MERTK: variants seen among roughly 807,000 people sequenced by gnomAD.
MERTK encodes the protein MER proto-oncogene, tyrosine kinase, also known as tyrosine-protein kinase Mer.
Under a neutral mutation model 99.3 loss-of-function variants are expected in MERTK, and 69 were observed. The observed-to-expected ratio is 0.70, with a 90% confidence interval of 0.57 to 0.85. The LOEUF (loss-of-function observed/expected upper bound fraction) is 0.85. Among genes scored for constraint, MERTK ranks in the 40% least tolerant of loss-of-function variants. The pLI, the probability that MERTK is intolerant of heterozygous loss-of-function variation, is 0.00. For missense variants in MERTK, 1,125 were observed against 1,249.4 expected (o/e 0.90, Z 1.50); for synonymous variants, 426 against 467.6 (o/e 0.91, Z 1.15).
At chr2:111,987,256 G>A (rs569396930) in intron 8 of MERTK, among the ~76,000 whole-genome samples, 1 of 152,042 alleles carries the variant, frequency 6.6e-6, no homozygotes, top group Admixed American at 6.5e-5. Context: ...CTACACAGAA[G>A]ACAGGTTTGT....
At chr2:111,994,224 A>T in intron 8 of MERTK, 27 bp from the exon 9 acceptor site, 1 of 1,612,804 alleles carries the variant, frequency 6.2e-7, no homozygotes, top group Non-Finnish European at 8.5e-7. Flanking sequence ...CAGTGTTTTC[A>T]TTTCCTCTCT....
chr2:111,981,156 G>A (rs1676364528), intron 7 of MERTK, among the ~76,000 whole-genome samples: 1 of 152,138 alleles, frequency 6.6e-6, no homozygotes, highest in Non-Finnish European at 1.5e-5. Context: ...GAGGGTTATA[G>A]TATCCTTTCA....
intron 1 of MERTK, among the ~76,000 whole-genome samples, chr2:111,921,446 G>A (rs1403447708): frequency 3.3e-5 from 5 of 151,576 alleles, no homozygotes; most frequent in African/African-American, 4.9e-5. Context: ...TTTGCAGTGA[G>A]CTGAGATCAC....
At chr2:112,028,142 G>T (rs1244908587) in intron 18 of MERTK, 5 of 615,874 alleles carry the variant, frequency 8.1e-6, no homozygotes, top group Non-Finnish European at 1.4e-5. Flanking sequence ...GCTCTTCCTA[G>T]AAACAGAATC....
intron 8 of MERTK, among the ~76,000 whole-genome samples, chr2:111,986,973 G>T: frequency 6.6e-6 from 1 of 152,136 alleles, no homozygotes; most frequent in Non-Finnish European, 1.5e-5. Context: ...CACCCAAAAG[G>T]AAGTTTAAGA....
chr2:111,920,765 C>G (rs1684441424), intron 1 of MERTK, among the ~76,000 whole-genome samples: 1 of 152,140 alleles, frequency 6.6e-6, no homozygotes, highest in Non-Finnish European at 1.5e-5. Flanking sequence ...GCAATTCTCC[C>G]TGCCTCACCC....
At position 111,898,744 on chromosome 2, in the gene MERTK, G is replaced by A. The variant is rs1319516641; in HGVS notation, c.9G>A (p.Pro3=). Residue 3 remains proline, a synonymous_variant, in exon 1 of 19, where the codon CCG becomes CCA. Coordinates refer to ENST00000295408, the MANE Select transcript of MERTK (RefSeq NM_006343.3). ...AGATCCGCAGCCCCGGGATGGGGCCGGCCCCGCTGCCGCTGCTGCTGGGCC... is the reference window on the plus strand; with the variant it reads ...AGATCCGCAGCCCCGGGATGGGGCCAGCCCCGCTGCCGCTGCTGCTGGGCC... The part of the protein sequence containing the change: MG[P]APLPLLLGLF... 2 of 1,606,340 alleles carry A rather than the reference G, an allele frequency of 1.2e-6. No homozygotes were observed. The highest frequency in any genetic ancestry group is 1.7e-6 in the Non-Finnish European group (2 of 1,177,024).
At chr2:111,906,558 G>A (rs1177784958) in intron 1 of MERTK, among the ~76,000 whole-genome samples, 2 of 152,190 alleles carry the variant, frequency 1.3e-5, no homozygotes, top group Non-Finnish European at 2.9e-5. Context: ...TTCTCAGTGC[G>A]GTGATAAATA....
chr2:111,975,432 T>G lies in MERTK; in HGVS notation c.1104T>G (p.Ser368=). ...GVSCMNEIGW[S]AVSPWILAST... ...CCTGCATGAATGAAATAGGCTGGTCTGCAGTGAGCCCTTGGATTCTAGCCA... is the reference window on the plus strand; with the variant it reads ...CCTGCATGAATGAAATAGGCTGGTCGGCAGTGAGCCCTTGGATTCTAGCCA... Residue 368 remains serine (S), a synonymous_variant, in exon 7 of 19, where the codon TCT becomes TCG. Transcript: ENST00000295408. 1 of 1,614,220 alleles carries G rather than the reference T, an allele frequency of 6.2e-7. No individual in the cohort carries two copies. Among genetic ancestry groups the G allele is most frequent in the Non-Finnish European group, 8.5e-7 (1 of 1,180,044 alleles).
At chr2:111,940,576 T>A (rs1684844226) in intron 2 of MERTK, 3 of 638,202 alleles carry the variant, frequency 4.7e-6, no homozygotes, top group Non-Finnish European at 9.2e-6. Context: ...TTGAATTGCC[T>A]TAAGCATTAC....
chr2:111,996,162 C>T (rs1413147781), intron 9 of MERTK: 6 of 153,898 alleles, frequency 3.9e-5, no homozygotes, highest in African/African-American at 1.5e-4. Context: ...GCAGTCCTTA[C>T]CTTGCAGGGC....
intron 13 of MERTK, among the ~76,000 whole-genome samples, chr2:112,006,282 G>A (rs1283604914): frequency 1.3e-5 from 2 of 151,670 alleles, no homozygotes; most frequent in Non-Finnish European, 2.9e-5. Flanking sequence ...TAATATTTAT[G>A]TAATACTCAC....
intron 8 of MERTK, among the ~76,000 whole-genome samples, chr2:111,987,223 C>T (rs948882518): frequency 1.3e-5 from 2 of 152,238 alleles, no homozygotes; most frequent in African/African-American, 2.4e-5. Flanking sequence ...TCTTGGCAGT[C>T]GTTTTTCCTT....
At chr2:112,017,385 C>G (rs1481755263) in intron 15 of MERTK, among the ~76,000 whole-genome samples, 2 of 152,260 alleles carry the variant, frequency 1.3e-5, no homozygotes, top group East Asian at 1.9e-4. Flanking sequence ...TAAGTCCCCA[C>G]TCAACCCAGA....
At chr2:112,006,751 T>A (rs186512715) in intron 13 of MERTK, among the ~76,000 whole-genome samples, 1 of 152,206 alleles carries the variant, frequency 6.6e-6, no homozygotes, top group Admixed American at 6.5e-5. Context: ...TGGGGAATAG[T>A]CTGCAGGCAG....
intron 8 of MERTK, among the ~76,000 whole-genome samples, chr2:111,991,506 G>A (rs1676614968): frequency 6.6e-6 from 1 of 151,980 alleles, no homozygotes; most frequent in Non-Finnish European, 1.5e-5. Context: ...GATTACAGGT[G>A]TGAGCCACCT....
intron 2 of MERTK, among the ~76,000 whole-genome samples, chr2:111,929,753 ATTT>A (rs72180817): frequency 8.2e-4 from 117 of 143,302 alleles, no homozygotes; most frequent in African/African-American, 2.8e-3. Context: ...CACCCAGCTA[ATTT>A]TTTTTTTTTT....
At chr2:112,022,144 G>A (rs1677364608) in intron 17 of MERTK, 114 bp from the exon 18 acceptor site, 1 of 1,455,306 alleles carries the variant, frequency 6.9e-7, no homozygotes, top group Non-Finnish European at 9.6e-7. Flanking sequence ...ACACATAATT[G>A]CCAGCTTTGT....
At chr2:111,904,379 CTTT>C (rs11464692) in intron 1 of MERTK, among the ~76,000 whole-genome samples, 13 of 144,250 alleles carry the variant, frequency 9.0e-5, no homozygotes, top group Admixed American at 1.4e-4. Flanking sequence ...CCAGAAAATT[CTTT>C]TTTTTTTTTT....
Sources: allele counts gnomAD v4.1 joint callset (sites outside exome capture counted in the v4.1 genomes callset), GRCh38; gene constraint gnomAD v4.1.1; transcripts MANE v1.5; gene names NCBI Gene and HGNC (gene_info 2026-07-23, HGNC 2026-07-21).